The following PRKG1 variants were observed in gnomAD, a reference collection of about 807,000 sequenced individuals.
The protein encoded by PRKG1 is protein kinase cGMP-dependent 1, also known as cGMP-dependent protein kinase 1.
PRKG1 carries 35 observed loss-of-function variants against 88.1 expected under a neutral mutation model. The ratio of observed to expected loss-of-function variants is 0.40; its 90% CI spans 0.30 to 0.53. The LOEUF (loss-of-function observed/expected upper bound fraction) is 0.53, where lower values mean the gene tolerates loss of function less well. PRKG1 is among the 20% of genes least tolerant of loss of function. The probability of loss-of-function intolerance (pLI) is 0.59; values close to 1 mark genes in which losing one functional copy is unlikely to be tolerated. For missense variants in PRKG1, 540 were observed against 839.8 expected (o/e 0.64, Z 4.41); for synonymous variants, 303 against 292.5 (o/e 1.04, Z -0.37).
intron 9 of PRKG1, among the ~76,000 whole-genome samples, chr10:52,178,906 T>C (rs188722596): frequency 9.7e-4 from 147 of 152,122 alleles, no homozygotes; most frequent in African/African-American, 3.5e-3. Flanking sequence ...GTGAGTATCT[T>C]GTAGCCAGCA....
chr10:51,769,450 C>G (rs888588262), intron 3 of PRKG1, among the ~76,000 whole-genome samples: 20 of 152,122 alleles, frequency 1.3e-4, no homozygotes, highest in African/African-American at 4.8e-4. Context: ...TTTTCATGGA[C>G]ATATCTAATC....
chr10:51,790,693 C>A (rs539538862), intron 3 of PRKG1, among the ~76,000 whole-genome samples: 1 of 152,112 alleles, frequency 6.6e-6, no homozygotes, highest in African/African-American at 2.4e-5. Flanking sequence ...TTTTTCTAGA[C>A]ATCTGATCTT....
At chr10:52,173,990 G>A (rs1838783782) in intron 9 of PRKG1, among the ~76,000 whole-genome samples, 1 of 152,182 alleles carries the variant, frequency 6.6e-6, no homozygotes, top group Admixed American at 6.5e-5. Flanking sequence ...ATTTGGTTCA[G>A]CCCAGTATGC....
intron 4 of PRKG1, among the ~76,000 whole-genome samples, chr10:51,880,499 C>T (rs971263910): frequency 2.0e-5 from 3 of 152,124 alleles, no homozygotes; most frequent in African/African-American, 7.2e-5. Context: ...TTAAGAGTTA[C>T]TATCTTTCTG....
intron 9 of PRKG1, among the ~76,000 whole-genome samples, chr10:52,207,260 A>T (rs899386288): frequency 6.6e-6 from 1 of 151,678 alleles, no homozygotes; most frequent in African/African-American, 2.4e-5. Flanking sequence ...TGCTGTGTGG[A>T]GAGGCTGTAT....
chr10:51,516,154 CT>C lies in PRKG1; in HGVS notation c.592+48319del, dbSNP rs746280183. On this transcript the variant is annotated intron_variant, in intron 3 of 17. Coordinates refer to ENST00000373980, the MANE Select transcript of PRKG1 (RefSeq NM_006258.4). The stretch of plus-strand genomic sequence containing the variant: ...GGTGAATGCAGAGAATTTTATTGAT[CT>C]GTGAAAGTGGCTCTCAGGAGAGAAG... Among the ~76,000 whole-genome samples, 17 of 152,174 alleles carry C rather than the reference CT, an allele frequency of 1.1e-4. 1 individual carries two copies. Among genetic ancestry groups the C allele is most frequent in the East Asian group, 7.7e-4 (4 of 5,162 alleles).
At chr10:51,253,347 C>T (rs748821184) in intron 2 of PRKG1, among the ~76,000 whole-genome samples, 1 of 151,826 alleles carries the variant, frequency 6.6e-6, no homozygotes, top group Non-Finnish European at 1.5e-5. Flanking sequence ...TGTAAACCTT[C>T]TGTGCTGATG....
At chr10:51,408,428 G>T (rs1837984648) in intron 2 of PRKG1, among the ~76,000 whole-genome samples, 1 of 152,198 alleles carries the variant, frequency 6.6e-6, no homozygotes, top group Non-Finnish European at 1.5e-5. Context: ...GGTGGATAAG[G>T]CATTCCATGA....
At chr10:51,549,115 C>CTTTTTTTTTT (rs1842514509) in intron 3 of PRKG1, among the ~76,000 whole-genome samples, 1 of 79,306 alleles carries the variant, frequency 1.3e-5, no homozygotes, top group Non-Finnish European at 2.5e-5. Flanking sequence ...TCTTTCTTTT[C>CTTTTTTTTTT]TTTTCTTTTT....
At chr10:51,284,246 C>T (rs1343520578) in intron 2 of PRKG1, among the ~76,000 whole-genome samples, 5 of 152,096 alleles carry the variant, frequency 3.3e-5, no homozygotes, top group Admixed American at 1.3e-4. Flanking sequence ...AGAAAAAAGA[C>T]ATATTTGTGG....
intron 4 of PRKG1, among the ~76,000 whole-genome samples, chr10:51,886,877 C>T (rs1841582846): frequency 6.6e-6 from 1 of 152,182 alleles, no homozygotes; most frequent in Admixed American, 6.5e-5. Flanking sequence ...AAAAGTTAGC[C>T]ATCCTTATCT....
In PRKG1 at chr10:51,581,999, G is replaced by A. The variant is rs538349102; in HGVS notation, c.592+114163G>A. Among the ~76,000 whole-genome samples, 13 of 151,982 alleles carry A rather than the reference G, an allele frequency of 8.6e-5. No individual in the cohort carries two copies. The South Asian group carries it at 2.7e-3, about 32-fold the overall frequency. On this transcript the variant is annotated intron_variant, in intron 3 of 17. Coordinates refer to ENST00000373980, the MANE Select transcript of PRKG1 (RefSeq NM_006258.4). ...ACAAAGCACGTTTGTTTAGAATTTG[G>A]AACCTGTATTTTTCTAGAAGGAATA... is the stretch of plus-strand genomic sequence containing the variant.
chr10:51,542,378 G>A (rs1842327376), intron 3 of PRKG1, among the ~76,000 whole-genome samples: 1 of 152,100 alleles, frequency 6.6e-6, no homozygotes, highest in South Asian at 2.1e-4. Context: ...ATCTTATGAT[G>A]GAGATTACTA....
intron 2 of PRKG1, among the ~76,000 whole-genome samples, chr10:51,417,352 C>T (rs1197264327): frequency 6.6e-6 from 1 of 152,170 alleles, no homozygotes; most frequent in African/African-American, 2.4e-5. Flanking sequence ...ATCCAGTATT[C>T]CTGCTATTCT....
intron 2 of PRKG1, among the ~76,000 whole-genome samples, chr10:51,256,012 C>A (rs1839549176): frequency 6.6e-6 from 1 of 152,082 alleles, no homozygotes; most frequent in Admixed American, 6.6e-5. Context: ...GTGTTATTTT[C>A]CACCTTATTT....
At chr10:52,187,392 A>G (rs1032522816) in intron 9 of PRKG1, among the ~76,000 whole-genome samples, 1 of 152,004 alleles carries the variant, frequency 6.6e-6, no homozygotes, top group Non-Finnish European at 1.5e-5. Context: ...CAGAAAACAC[A>G]AAAGAGATTT....
intron 7 of PRKG1, among the ~76,000 whole-genome samples, chr10:52,077,020 A>G (rs978703933): frequency 1.3e-5 from 2 of 152,100 alleles, no homozygotes; most frequent in African/African-American, 4.8e-5. Flanking sequence ...AAACTTAAAC[A>G]TATTACCTAC....
At chr10:52,193,574 AAC>A (rs1491374330) in intron 9 of PRKG1, among the ~76,000 whole-genome samples, 5 of 142,634 alleles carry the variant, frequency 3.5e-5, no homozygotes, top group African/African-American at 1.3e-4. Context: ...AAAAAAAAAA[AAC>A]AAAAAAAAAA....
At chr10:51,538,520 A>T (rs189913352) in intron 3 of PRKG1, among the ~76,000 whole-genome samples, 1 of 87,432 alleles carries the variant, frequency 1.1e-5, no homozygotes, top group African/African-American at 3.9e-5. Flanking sequence ...GGACACACAT[A>T]CAAAAGTAAT....
Sources: allele counts gnomAD v4.1 joint callset (sites outside exome capture counted in the v4.1 genomes callset), GRCh38; gene constraint gnomAD v4.1.1; transcripts MANE v1.5; gene names NCBI Gene and HGNC (gene_info 2026-07-23, HGNC 2026-07-21).